The following DYNC1I1 variants were observed in gnomAD, a reference collection of about 807,000 sequenced individuals.
DYNC1I1 encodes cytoplasmic dynein 1 intermediate chain 1.
In DYNC1I1, 43 loss-of-function variants were observed where a neutral mutation model predicts 86.6. The observed-to-expected ratio is 0.50, with a 90% CI of 0.39 to 0.64. DYNC1I1 has a LOEUF of 0.64. Ranked by LOEUF, DYNC1I1 falls within the 30% of genes least tolerant of loss-of-function variation. The pLI is 0.00. For missense variants in DYNC1I1, 604 were observed against 788.8 expected (o/e 0.77, Z 2.81); for synonymous variants, 262 against 283.7 (o/e 0.92, Z 0.77).
intron 5 of DYNC1I1, among the ~76,000 whole-genome samples, chr7:95,854,723 G>A (rs757334683): frequency 1.3e-5 from 2 of 152,070 alleles, no homozygotes; most frequent in Non-Finnish European, 2.9e-5. Context: ...ATTGAGCAAC[G>A]AACAGTTCAC....
At chr7:96,079,029 G>GTT (rs140145092) in intron 15 of DYNC1I1, among the ~76,000 whole-genome samples, 6 of 149,812 alleles carry the variant, frequency 4.0e-5, no homozygotes, top group African/African-American at 1.2e-4. Flanking sequence ...GTTTTTTTTT[G>GTT]TTTTTTTGTT....
At chr7:95,822,140 G>C (rs1413449796) in intron 4 of DYNC1I1, among the ~76,000 whole-genome samples, 1 of 152,128 alleles carries the variant, frequency 6.6e-6, no homozygotes, top group East Asian at 1.9e-4. Context: ...TCACTCCTAA[G>C]TTACACTTTC....
chr7:95,888,909 T>A (rs957362898), intron 6 of DYNC1I1, among the ~76,000 whole-genome samples: 1 of 152,304 alleles, frequency 6.6e-6, no homozygotes, highest in Non-Finnish European at 1.5e-5. Context: ...ATCTGTAATT[T>A]TGGTAATTCT....
intron 10 of DYNC1I1, among the ~76,000 whole-genome samples, chr7:96,016,519 A>G (rs978180295): frequency 2.6e-5 from 4 of 152,104 alleles, no homozygotes; most frequent in South Asian, 2.1e-4. Flanking sequence ...TTCAAAAAGA[A>G]ATTGTCCAAA....
chr7:96,042,259 A>C (rs1407995133), intron 14 of DYNC1I1, among the ~76,000 whole-genome samples: 1 of 152,228 alleles, frequency 6.6e-6, no homozygotes, highest in Non-Finnish European at 1.5e-5. Context: ...ATACAGATGC[A>C]TGCAGTTAAG....
At chr7:96,062,198 G>A (rs1163677408) in intron 14 of DYNC1I1, among the ~76,000 whole-genome samples, 2 of 152,218 alleles carry the variant, frequency 1.3e-5, no homozygotes, top group Non-Finnish European at 2.9e-5. Context: ...CAAACCTAAA[G>A]TAAAGTCAGG....
At chr7:95,830,689 G>A (rs1795301770) in intron 5 of DYNC1I1, among the ~76,000 whole-genome samples, 1 of 152,064 alleles carries the variant, frequency 6.6e-6, no homozygotes, top group African/African-American at 2.4e-5. Context: ...ATGCACATAT[G>A]CTTTCATTTC....
intron 14 of DYNC1I1, among the ~76,000 whole-genome samples, chr7:96,058,539 A>G (rs73708455): frequency 2.0e-4 from 30 of 152,314 alleles, no homozygotes; most frequent in African/African-American, 7.0e-4. Context: ...AGTTACTGGG[A>G]GTATCACAGT....
At chr7:96,019,389 T>A (rs1198036447) in intron 10 of DYNC1I1, among the ~76,000 whole-genome samples, 1 of 151,974 alleles carries the variant, frequency 6.6e-6, no homozygotes, top group African/African-American at 2.4e-5. Flanking sequence ...TTTTTTTTTT[T>A]ATTCAGATAA....
At chr7:96,008,824 T>A (rs889953757) in intron 10 of DYNC1I1, among the ~76,000 whole-genome samples, 4 of 152,226 alleles carry the variant, frequency 2.6e-5, no homozygotes, top group African/African-American at 9.6e-5. Context: ...ATTTTGAATT[T>A]AAATATATTC....
intron 6 of DYNC1I1, among the ~76,000 whole-genome samples, chr7:95,955,423 A>G (rs1158898807): frequency 2.6e-5 from 4 of 152,120 alleles, no homozygotes; most frequent in Non-Finnish European, 1.5e-5. Flanking sequence ...CCTGGGTGCA[A>G]GCAATTCTCC....
rs560296526 is a variant in DYNC1I1, at chr7:95,943,561, G to T, written c.491-33951G>T. On this transcript the variant is annotated intron_variant, in intron 6 of 16. Coordinates refer to ENST00000447467, the MANE Select transcript of DYNC1I1 (RefSeq NM_001135556.2). ...ATGGAACCAAAAAAGAGCCCGCATTGCCAAGTCAATCCTAAGCCAAAAGAA... is the reference window on the plus strand; with the variant it reads ...ATGGAACCAAAAAAGAGCCCGCATTTCCAAGTCAATCCTAAGCCAAAAGAA... Among the ~76,000 whole-genome samples, 3 of 79,510 alleles carry T rather than the reference G, an allele frequency of 3.8e-5. 1 individual carries two copies. Among genetic ancestry groups the T allele is most frequent in the African/African-American group, 1.0e-4 (3 of 29,826 alleles). The allele number at this position is 79,510 out of a possible 152,430, so 52.2% of individuals were successfully genotyped here. A position where few individuals can be genotyped will look rare whatever the true frequency, so the allele number is the denominator to read the frequency against.
intron 9 of DYNC1I1, among the ~76,000 whole-genome samples, chr7:95,994,649 A>G (rs944480971): frequency 3.3e-5 from 5 of 152,150 alleles, no homozygotes; most frequent in Admixed American, 3.3e-4. Context: ...CAGGAAAGGC[A>G]AAAAATGACA....
intron 1 of DYNC1I1, among the ~76,000 whole-genome samples, chr7:95,791,953 C>G (rs1478985): frequency 0.63 from 95,282 of 152,040 alleles, 30,685 homozygotes; most frequent in African/African-American, 0.76. Context: ...CTCTGATTTT[C>G]GTCCTTTAAA....
intron 15 of DYNC1I1, 112 bp from the exon 16 acceptor site, chr7:96,080,251 T>TA: frequency 7.3e-7 from 1 of 1,375,728 alleles, no homozygotes; most frequent in East Asian, 2.5e-5. Context: ...GTGTATTACT[T>TA]AATGCACATG....
At chr7:95,904,638 TATAC>T (rs1278896349) in intron 6 of DYNC1I1, among the ~76,000 whole-genome samples, 1 of 136,700 alleles carries the variant, frequency 7.3e-6, no homozygotes, top group Non-Finnish European at 1.6e-5. Flanking sequence ...TATATATATA[TATAC>T]ACATATACAC....
chr7:96,065,131 A>G (rs533282677), intron 14 of DYNC1I1, among the ~76,000 whole-genome samples: 2 of 152,280 alleles, frequency 1.3e-5, no homozygotes, highest in African/African-American at 2.4e-5. Flanking sequence ...AACCAACCAT[A>G]TTAATCTTCC....
chr7:95,794,560 T>A (rs1255558641), intron 1 of DYNC1I1, among the ~76,000 whole-genome samples: 1 of 152,144 alleles, frequency 6.6e-6, no homozygotes, highest in Non-Finnish European at 1.5e-5. Context: ...ATTTAAGAGC[T>A]CTCATCTCTA....
intron 10 of DYNC1I1, among the ~76,000 whole-genome samples, chr7:96,005,560 A>T (rs907841558): frequency 2.6e-5 from 4 of 152,054 alleles, no homozygotes; most frequent in African/African-American, 9.7e-5. Flanking sequence ...CCCCTTCCTT[A>T]TGTCTAAAAT....
Sources: gnomAD v4.1 joint callset for allele counts (sites outside exome capture counted in the v4.1 genomes callset) on GRCh38, gnomAD v4.1.1 for gene constraint, MANE v1.5 for transcripts, NCBI Gene and HGNC (gene_info 2026-07-23, HGNC 2026-07-21) for gene names.